The following SART3 variants were observed in gnomAD, a reference collection of about 807,000 sequenced individuals.
SART3 encodes the protein HIV-1 Tat-interacting protein of 110kDa.
In SART3, 44 loss-of-function variants were observed where a neutral mutation model predicts 122.3. The observed-to-expected ratio is 0.36, with a 90% confidence interval of 0.28 to 0.46. SART3 has a LOEUF of 0.46. Among genes scored for constraint, SART3 ranks in the 20% least tolerant of loss-of-function variants. SART3 has a pLI of 1.00. For synonymous variants in SART3, 442 were observed against 454.0 expected, an observed-to-expected ratio of 0.97 and a Z score of 0.34; for missense variants, 1,101 against 1,229.0, an observed-to-expected ratio of 0.90 and a Z score of 1.56.
intron 18 of SART3, 45 bp from the exon 19 acceptor site, chr12:108,523,679 T>C: frequency 1.3e-6 from 2 of 1,543,100 alleles, no homozygotes; most frequent in Non-Finnish European, 1.8e-6. Context: ...CAACAATTCG[T>C]GGCCCCTCAT....
intron 1 of SART3, among the ~76,000 whole-genome samples, chr12:108,554,625 T>C (rs2030141304): frequency 1.3e-5 from 2 of 149,276 alleles, no homozygotes; most frequent in Admixed American, 6.7e-5. Flanking sequence ...CTGCAATAAA[T>C]ATATTTTAAT....
chr12:108,536,627 G>A (rs1872916942), intron 10 of SART3, 55 bp from the exon 11 acceptor site: 2 of 1,609,116 alleles, frequency 1.2e-6, no homozygotes, highest in Non-Finnish European at 1.7e-6. Flanking sequence ...GATAGTCGCT[G>A]GCTGAAAAGG....
Position 108,560,878 on chromosome 12 carries a change from TCTC to T in SART3, c.274_276del (p.Glu92del). ...AGTCTCTCAATCTCCAGCTGGTTTT[TCTC>T]CTCCTCTTCGTCATATTCCCACTCG... On this transcript the variant is annotated inframe_deletion, in exon 1 of 19. Coordinates refer to ENST00000546815, the MANE Select transcript of SART3 (RefSeq NM_014706.4). 1.2e-6 allele frequency: 2 copies of T among 1,605,374 alleles called. No homozygotes were observed.
intron 1 of SART3, among the ~76,000 whole-genome samples, chr12:108,556,368 G>T (rs146075439): frequency 6.6e-6 from 1 of 152,312 alleles, no homozygotes; most frequent in East Asian, 1.9e-4. Flanking sequence ...AAAATGCTAG[G>T]ACTACAGGTG....
At position 108,545,008 on chromosome 12, in the gene SART3, G is replaced by C. The variant is rs1193639659; in HGVS notation, c.729+131C>G. The C allele has an allele frequency of 4.3e-6, 4 of 939,496 alleles. No individual in the cohort carries two copies. In the African/African-American group the frequency reaches 4.9e-5, roughly 11 times the overall value. 58.2% of individuals were successfully genotyped at this position (939,496 alleles called of 1,614,324 possible). A position where few individuals can be genotyped will look rare whatever the true frequency, so the allele number is the denominator to read the frequency against. ...GTTATCTATCACCCCACCACTAAGG[G>C]ATTGGCAAAGACCATTTTGTTAACT... On this transcript the variant is annotated intron_variant, in intron 4 of 18. Coordinates refer to ENST00000546815, the MANE Select transcript of SART3 (RefSeq NM_014706.4).
chr12:108,526,252 G>A lies in SART3; in HGVS notation c.2217C>T (p.Phe739=), dbSNP rs953742656. 1.7e-5 allele frequency: 27 copies of A among 1,614,184 alleles called. No homozygotes were observed. The highest frequency in any genetic ancestry group is 2.2e-5 in the Non-Finnish European group (26 of 1,180,034). Residue 739 remains phenylalanine, a synonymous_variant, in exon 16 of 19, where the codon TTC becomes TTT. Transcript: ENST00000546815. ...AACCTCGGAAATCCCCACGGTTGCT[G>A]AAGATGGGTCGGATCTGGACCACCT... ...CGEVVQIRPI[F]SNRGDFRGYC... is the part of the protein sequence containing the mutation.
At chr12:108,541,621 C>A (rs1430766953) in intron 6 of SART3, among the ~76,000 whole-genome samples, 1 of 151,974 alleles carries the variant, frequency 6.6e-6, no homozygotes, top group African/African-American at 2.4e-5. Flanking sequence ...TCACAGCAAC[C>A]TCCACCTCCC....
chr12:108,535,545 G>C, intron 11 of SART3, 77 bp from the exon 12 acceptor site: 1 of 1,182,444 alleles, frequency 8.5e-7, no homozygotes, highest in Non-Finnish European at 1.3e-6. Flanking sequence ...ACTTCCAACA[G>C]ACACACATAA....
intron 11 of SART3, among the ~76,000 whole-genome samples, chr12:108,535,974 G>A (rs61936009): frequency 0.026 from 4,017 of 152,164 alleles, 72 homozygotes; most frequent in Non-Finnish European, 0.04. Flanking sequence ...CGCTCCCTCC[G>A]AGGAGAAAAC....
At position 108,561,149 on chromosome 12, in the gene SART3, C is replaced by A. The variant is rs535666890; in HGVS notation, c.6G>T (p.Ala2=). Residue 2 remains alanine, a synonymous_variant, in exon 1 of 19, where the codon GCG becomes GCT. Transcript: ENST00000546815. ...CTGAAGCCGAGGTTTCGGCCGCAGT[C>A]GCCATCTTGCGCTTCTAATGACTCT... M[A]TAAETSASEP... 6.2e-7 allele frequency: 1 copy of A among 1,613,216 alleles called. No individual in the cohort carries two copies. The highest frequency in any genetic ancestry group is 8.5e-7 in the Non-Finnish European group (1 of 1,179,202).
chr12:108,551,421 G>C (rs1275810392), intron 1 of SART3, among the ~76,000 whole-genome samples: 1 of 152,032 alleles, frequency 6.6e-6, no homozygotes, highest in African/African-American at 2.4e-5. Flanking sequence ...TTCAGCAACT[G>C]ATAAAACTAC....
chr12:108,523,354 C>T lies in SART3; in HGVS notation c.*103G>A. ...CCGAGGAGCCATCTGTGGTTGCGAG[C>T]ACGCAGCACACCAGGCCTGTCCATC... On this transcript the variant is annotated 3_prime_UTR_variant, in exon 19 of 19. Transcript: ENST00000546815. 1 of 1,235,496 alleles carries T rather than the reference C, an allele frequency of 8.1e-7. No individual in the cohort carries two copies. Among genetic ancestry groups the T allele is most frequent in the East Asian group, 2.3e-5 (1 of 43,234 alleles). The allele number at this position is 1,235,496 out of a possible 1,614,324, so 76.5% of individuals were successfully genotyped here.
Position 108,524,332 on chromosome 12 carries a change from G to A in SART3, c.2698C>T (p.Pro900Ser), listed in dbSNP as rs1238351291. Reference protein sequence around the residue: ...RKAPGGPMLLPQTYGARGKGR... With the variant: ...RKAPGGPMLLSQTYGARGKGR... ...AGCACTTACGCTCCGTATGTCTGCG[G>A]CAAAAGCATGGGGCCACCTGGTGCC... The change falls in exon 18 of 19, where the codon CCG (proline) becomes TCG (serine). Residue 900 changes from proline (P) to serine (S), a missense_variant. By Grantham distance (74) the Pro-to-Ser change is moderately conservative. Around this residue, in one of 2 missense-constraint regions of SART3, gnomAD observed 885 missense variants for 1,080.1 expected, o/e 0.82. Coordinates refer to ENST00000546815, the MANE Select transcript of SART3 (RefSeq NM_014706.4). The A allele has an allele frequency of 2.5e-6, 4 of 1,614,022 alleles. No individual in the cohort carries two copies. Among genetic ancestry groups the A allele is most frequent in the Admixed American group, 1.7e-5 (1 of 60,030 alleles).
chr12:108,555,484 G>C (rs1211396759), intron 1 of SART3, among the ~76,000 whole-genome samples: 2 of 152,126 alleles, frequency 1.3e-5, no homozygotes, highest in Non-Finnish European at 2.9e-5. Context: ...GGGCAACAGG[G>C]CAAAACCCCG....
chr12:108,560,777 G>T, intron 1 of SART3, 66 bp downstream of exon 1: 1 of 1,440,876 alleles, frequency 6.9e-7, no homozygotes, highest in Non-Finnish European at 9.4e-7. Context: ...AGGGAGGCGG[G>T]CCAGGACATG....
At position 108,543,066 on chromosome 12, in the gene SART3, G is replaced by A; in HGVS notation, c.868C>T (p.Gln290Ter). The change falls in exon 6 of 19, where the codon CAG (glutamine) becomes TAG (stop). Residue 290 changes from glutamine (Q) to a stop codon, truncating the protein, a stop_gained. Coordinates refer to ENST00000546815, the MANE Select transcript of SART3 (RefSeq NM_014706.4). LOFTEE classifies it high-confidence loss of function. ...TAGGGTTTATATTTCTCCAGCTGCTGTAGTGCTTTGTTATAGTTCTGAATT... is the reference window on the plus strand; with the variant it reads ...TAGGGTTTATATTTCTCCAGCTGCTATAGTGCTTTGTTATAGTTCTGAATT... ...SVIQNYNKAL[Q>*]QLEKYKPYEE... 2.5e-6 allele frequency: 4 copies of A among 1,614,232 alleles called. No homozygotes were observed. The highest frequency in any genetic ancestry group is 3.4e-6 in the Non-Finnish European group (4 of 1,180,036).
At chr12:108,544,761 C>T (rs571352461) in intron 4 of SART3, 5 of 590,306 alleles carry the variant, frequency 8.5e-6, no homozygotes, top group African/African-American at 7.4e-5. Context: ...GATGGGGACT[C>T]ACTACATTGC....
chr12:108,534,531 T>C (rs764646746), intron 12 of SART3, among the ~76,000 whole-genome samples: 2 of 151,102 alleles, frequency 1.3e-5, no homozygotes, highest in Non-Finnish European at 2.9e-5. Context: ...AATCCAAAAA[T>C]TAGCCAGGTG....
chr12:108,545,880 C>G (rs1451938689), intron 3 of SART3, among the ~76,000 whole-genome samples: 5 of 146,394 alleles, frequency 3.4e-5, no homozygotes, highest in African/African-American at 1.2e-4. Flanking sequence ...GCAGGAGAAT[C>G]GCTTGAACCT....
Sources: allele counts gnomAD v4.1 joint callset (sites outside exome capture counted in the v4.1 genomes callset), GRCh38; gene constraint gnomAD v4.1.1; regional missense constraint gnomAD v4.1.1; transcripts MANE v1.5; gene names NCBI Gene and HGNC (gene_info 2026-07-23, HGNC 2026-07-21).